JMJD1C: variants seen among roughly 807,000 people sequenced by gnomAD.
JMJD1C encodes the protein jumonji domain containing 1C, also known as jumonji domain-containing protein 1C.
Under a neutral mutation model 245.3 loss-of-function variants are expected in JMJD1C, and 31 were observed. The ratio of observed to expected loss-of-function variants is 0.13; its 90% CI spans 0.09 to 0.17. The LOEUF is 0.17. JMJD1C is among the 10% of genes least tolerant of loss of function. The pLI, the probability that JMJD1C is intolerant of heterozygous loss-of-function variation, is 1.00. For missense variants in JMJD1C, 2,691 were observed against 3,000.2 expected (o/e 0.90, Z 2.41); for synonymous variants, 1,057 against 1,017.4 (o/e 1.04, Z -0.74).
chr10:63,322,843 T>C (rs2134118628), intron 2 of JMJD1C, among the ~76,000 whole-genome samples: 1 of 149,280 alleles, frequency 6.7e-6, no homozygotes, highest in Non-Finnish European at 1.5e-5. Context: ...TTTTCCTAAG[T>C]TTGTCAAGGC....
intron 1 of JMJD1C, among the ~76,000 whole-genome samples, chr10:63,511,539 G>A (rs1381667817): frequency 4.6e-5 from 7 of 152,054 alleles, no homozygotes; most frequent in Admixed American, 2.0e-4. Context: ...CTGAAATCCC[G>A]TCTCTACTAA....
intron 3 of JMJD1C, among the ~76,000 whole-genome samples, chr10:63,259,242 T>C (rs922923402): frequency 2.0e-5 from 3 of 152,236 alleles, no homozygotes; most frequent in East Asian, 1.9e-4. Flanking sequence ...GGACCACTTA[T>C]GTCAAATATT....
At chr10:63,299,357 AT>A (rs59878158) in intron 2 of JMJD1C, among the ~76,000 whole-genome samples, 62 of 135,788 alleles carry the variant, frequency 4.6e-4, no homozygotes, top group Admixed American at 7.6e-4. Context: ...TAATTTTTCC[AT>A]TTTTTTTTTT....
At chr10:63,281,309 GTT>G (rs71025143) in intron 2 of JMJD1C, among the ~76,000 whole-genome samples, 9 of 144,746 alleles carry the variant, frequency 6.2e-5, no homozygotes, top group Admixed American at 6.8e-5. Context: ...TAATTTTTCT[GTT>G]TTTTTTTTTT....
intron 1 of JMJD1C, among the ~76,000 whole-genome samples, chr10:63,426,358 T>TA (rs952969704): frequency 2.2e-4 from 33 of 149,464 alleles, no homozygotes; most frequent in East Asian, 5.9e-4. Context: ...CCCTATCTAT[T>TA]AAAAAAAAAA....
intron 1 of JMJD1C, among the ~76,000 whole-genome samples, chr10:63,424,591 C>T (rs1950329917): frequency 1.3e-5 from 1 of 78,266 alleles, no homozygotes; most frequent in Non-Finnish European, 4.0e-5. Flanking sequence ...ACTGCAGCCT[C>T]GACCTCCTGG....
At chr10:63,309,965 T>C (rs1168227455) in intron 2 of JMJD1C, among the ~76,000 whole-genome samples, 1 of 151,668 alleles carries the variant, frequency 6.6e-6, no homozygotes, top group Admixed American at 6.6e-5. Flanking sequence ...TTTAAAAGAG[T>C]TCAGCAAGCC....
intron 3 of JMJD1C, among the ~76,000 whole-genome samples, chr10:63,245,478 CTT>C (rs71025134): frequency 1.6e-4 from 14 of 90,196 alleles, no homozygotes; most frequent in East Asian, 3.9e-4. Context: ...CAGGGGAACT[CTT>C]TTTTTTTTTT....
chr10:63,445,941 T>C (rs955048333), intron 1 of JMJD1C, among the ~76,000 whole-genome samples: 1 of 140,864 alleles, frequency 7.1e-6, no homozygotes, highest in African/African-American at 2.6e-5. Context: ...AGTGGTGTGA[T>C]CTGGGCTCAC....
chr10:63,392,904 ACAC>A (rs1948189717), intron 1 of JMJD1C, among the ~76,000 whole-genome samples: 1 of 148,610 alleles, frequency 6.7e-6, no homozygotes, highest in Admixed American at 6.9e-5. Flanking sequence ...ACACACACAC[ACAC>A]ACGTGAGCAA....
chr10:63,494,838 G>A (rs986574078), intron 1 of JMJD1C, among the ~76,000 whole-genome samples: 4 of 152,198 alleles, frequency 2.6e-5, no homozygotes, highest in African/African-American at 9.7e-5. Context: ...CACTAATACA[G>A]AGAGAAAGGC....
At chr10:63,223,539 T>C (rs1375746641) in intron 3 of JMJD1C, among the ~76,000 whole-genome samples, 1 of 152,152 alleles carries the variant, frequency 6.6e-6, no homozygotes, top group African/African-American at 2.4e-5. Flanking sequence ...TAAACTGTTT[T>C]AAAGAAGCAT....
intron 2 of JMJD1C, among the ~76,000 whole-genome samples, chr10:63,274,087 T>C (rs1487433602): frequency 6.6e-6 from 1 of 152,132 alleles, no homozygotes; most frequent in African/African-American, 2.4e-5. Flanking sequence ...AATATAAATA[T>C]TTTTAAAGAC....
intron 1 of JMJD1C, among the ~76,000 whole-genome samples, chr10:63,429,643 T>C (rs1302486536): frequency 6.6e-6 from 1 of 152,200 alleles, no homozygotes; most frequent in Non-Finnish European, 1.5e-5. Context: ...GGTTTTCCTA[T>C]TCTAAAACAT....
intron 2 of JMJD1C, among the ~76,000 whole-genome samples, chr10:63,270,075 C>T (rs1375723273): frequency 1.3e-5 from 2 of 152,094 alleles, no homozygotes; most frequent in East Asian, 3.8e-4. Context: ...AATTAATACA[C>T]CTATGTTAAA....
chr10:63,365,906 G>T (rs1945795720), intron 2 of JMJD1C, among the ~76,000 whole-genome samples: 6 of 152,150 alleles, frequency 3.9e-5, no homozygotes, highest in Admixed American at 3.9e-4. Context: ...GCATGTCTTG[G>T]CTGATACGAG....
At chr10:63,265,348 G>GT (rs1855429982) in intron 2 of JMJD1C, among the ~76,000 whole-genome samples, 1 of 151,478 alleles carries the variant, frequency 6.6e-6, no homozygotes, top group African/African-American at 2.4e-5. Context: ...AGAGAGTCCG[G>GT]TAAGAAGTAC....
intron 2 of JMJD1C, among the ~76,000 whole-genome samples, chr10:63,338,304 T>TA (rs1229509766): frequency 6.6e-6 from 1 of 152,112 alleles, no homozygotes; most frequent in East Asian, 1.9e-4. Flanking sequence ...CCAGCTTATT[T>TA]AAAAAATTCT....
intron 2 of JMJD1C, among the ~76,000 whole-genome samples, chr10:63,342,030 A>G (rs954437256): frequency 6.6e-5 from 10 of 152,254 alleles, no homozygotes; most frequent in Non-Finnish European, 1.0e-4. Context: ...GTGACTTTGA[A>G]GAATTCTGTG....
Sources: allele counts gnomAD v4.1 joint callset (sites outside exome capture counted in the v4.1 genomes callset), GRCh38; gene constraint gnomAD v4.1.1; transcripts MANE v1.5; gene names NCBI Gene and HGNC (gene_info 2026-07-23, HGNC 2026-07-21).